PNPLA7: variants seen among roughly 807,000 people sequenced by gnomAD.
PNPLA7 encodes the protein patatin-like phospholipase domain-containing protein 7.
In PNPLA7, 153 loss-of-function variants were observed where a neutral mutation model predicts 161.7. The ratio of observed to expected loss-of-function variants is 0.95; its 90% confidence interval spans 0.83 to 1.08. The LOEUF is 1.08. Ranked by LOEUF, PNPLA7 falls within the 50% of genes least tolerant of loss-of-function variation. The pLI, the probability that PNPLA7 is intolerant of heterozygous loss-of-function variation, is 0.00. For synonymous variants in PNPLA7, 809 were observed against 782.1 expected (o/e 1.03, Z -0.57); for missense variants, 1,739 against 1,856.6 (o/e 0.94, Z 1.16).
rs568738909 is a variant in PNPLA7 at position 137,496,656 on chromosome 9, A to G, written c.2013+531T>C. Among the ~76,000 whole-genome samples, 29 of 152,280 alleles carry G rather than the reference A, an allele frequency of 1.9e-4. No individual in the cohort carries two copies. In the East Asian group the frequency reaches 5.6e-3, roughly 30 times the overall value. On this transcript the variant is annotated intron_variant, in intron 18 of 34. Transcript: ENST00000406427. ...AACTCAGGAGGCGGAGGTTGCAGTG[A>G]GTTGAGATCGCGCCACTGCACTCCA... is the stretch of plus-strand genomic sequence containing the variant.
At chr9:137,534,392 C>T (rs951825043) in intron 8 of PNPLA7, among the ~76,000 whole-genome samples, 2 of 151,466 alleles carry the variant, frequency 1.3e-5, no homozygotes, top group African/African-American at 4.9e-5. Flanking sequence ...CTTCCAGGCT[C>T]CTCCCCAACA....
intron 14 of PNPLA7, among the ~76,000 whole-genome samples, chr9:137,503,518 A>G (rs1400392944): frequency 0.013 from 851 of 66,334 alleles, 2 homozygotes; most frequent in African/African-American, 0.019. Flanking sequence ...AAGGAGGAGG[A>G]GGAAGGAGAA....
chr9:137,504,708 G>C (rs1833818170), intron 14 of PNPLA7, among the ~76,000 whole-genome samples: 1 of 151,390 alleles, frequency 6.6e-6, no homozygotes, highest in South Asian at 2.1e-4. Context: ...CTCAGAAGGA[G>C]TCCTTAACCG....
Position 137,500,785 on chromosome 9 carries a change from G to C in PNPLA7, c.1663C>G (p.Gln555Glu). 1.2e-6 allele frequency: 2 copies of C among 1,611,842 alleles called. No individual in the cohort carries two copies. The highest frequency in any genetic ancestry group is 1.7e-6 in the Non-Finnish European group (2 of 1,179,674). ...GGCTCCCCGGTGAGCACGGCCAGCT[G>C]GCCCACCATCTCCCCGGGGCGCGTG... ...FLTRPGEMVGQLAVLTGEPLI... is the reference protein window; with the variant it reads ...FLTRPGEMVGELAVLTGEPLI... Residue 555 changes from glutamine (Q) to glutamate (E), a missense_variant, in exon 16 of 35, where the codon CAG (glutamine) becomes GAG (glutamate). By Grantham distance (29) the Gln-to-Glu change is conservative. Coordinates refer to ENST00000406427, the MANE Select transcript of PNPLA7 (RefSeq NM_001098537.3). This position sits in a 1 kb window ranked among gnomAD's most constrained non-coding sequence, Gnocchi z 5.5.
At chr9:137,511,076 C>G (rs1297184491) in intron 12 of PNPLA7, among the ~76,000 whole-genome samples, 2 of 152,268 alleles carry the variant, frequency 1.3e-5, no homozygotes, top group African/African-American at 4.8e-5. Context: ...CTCTCTGTCA[C>G]GCCCAGATAA....
chr9:137,505,902 C>A, intron 13 of PNPLA7, 81 bp downstream of exon 13: 1 of 1,529,980 alleles, frequency 6.5e-7, no homozygotes, highest in Non-Finnish European at 8.9e-7. Flanking sequence ...ACACCAAAGC[C>A]GGCGGCGCCC....
At chr9:137,487,827 G>C (rs1232201265) in intron 20 of PNPLA7, among the ~76,000 whole-genome samples, 1 of 152,068 alleles carries the variant, frequency 6.6e-6, no homozygotes. Flanking sequence ...CCTGTCAGGG[G>C]CATCTCAGGA....
At chr9:137,498,733 C>T (rs1232621818) in intron 16 of PNPLA7, among the ~76,000 whole-genome samples, 1 of 152,034 alleles carries the variant, frequency 6.6e-6, no homozygotes, top group African/African-American at 2.4e-5. Flanking sequence ...ACTGTTCTCT[C>T]CCCGGTGGTC....
chr9:137,518,241 G>A (rs1466525508), intron 11 of PNPLA7, among the ~76,000 whole-genome samples: 2 of 125,654 alleles, frequency 1.6e-5, no homozygotes, highest in Non-Finnish European at 3.2e-5. Flanking sequence ...ACTCCACTCT[G>A]TCCACTCCAT....
Position 137,500,454 on chromosome 9 carries a change from G to T in PNPLA7, c.1757+237C>A, listed in dbSNP as rs987227117. ...ACCAGTGATAAATGGACACAGCTGGGACCAGACCACAGAGACGGCCGTGCG... is the reference window on the plus strand; with the variant it reads ...ACCAGTGATAAATGGACACAGCTGGTACCAGACCACAGAGACGGCCGTGCG... On this transcript the variant is annotated intron_variant, in intron 16 of 34. Transcript: ENST00000406427. The surrounding 1 kb of genome is among the most constrained non-coding windows in gnomAD (Gnocchi z 5.5). Among the ~76,000 whole-genome samples the T allele has an allele frequency of 6.6e-6, 1 of 152,228 alleles. No individual in the cohort carries two copies. Among genetic ancestry groups the T allele is most frequent in the Non-Finnish European group, 1.5e-5 (1 of 68,044 alleles).
At chr9:137,530,637 A>C (rs1835539187) in intron 8 of PNPLA7, among the ~76,000 whole-genome samples, 1 of 152,228 alleles carries the variant, frequency 6.6e-6, no homozygotes, top group African/African-American at 2.4e-5. Flanking sequence ...TTTCACTGTA[A>C]TCAGCAGGAC....
intron 4 of PNPLA7, among the ~76,000 whole-genome samples, chr9:137,544,071 G>A (rs1317030086): frequency 1.3e-5 from 2 of 152,084 alleles, no homozygotes; most frequent in African/African-American, 2.4e-5. Flanking sequence ...CAGGCTTCAT[G>A]CCTGCTGGCC....
In PNPLA7 at chr9:137,464,297, C is replaced by T. The variant is rs776819360; in HGVS notation, c.3156+43G>A. 20 of 1,605,686 alleles carry T rather than the reference C, an allele frequency of 1.2e-5. No individual in the cohort carries two copies. The South Asian group carries it at 1.9e-4, about 15-fold the overall frequency. On this transcript the variant is annotated intron_variant, in intron 27 of 34. Transcript: ENST00000406427. ...CAAGAGGTGGGGGGCCAGGAGGGGA[C>T]AGGCACTGGGGGCTGCATGGGCTCC... is the stretch of plus-strand genomic sequence containing the variant.
At chr9:137,474,342 G>A (rs903681007) in intron 25 of PNPLA7, among the ~76,000 whole-genome samples, 6 of 152,314 alleles carry the variant, frequency 3.9e-5, no homozygotes, top group African/African-American at 9.6e-5. Context: ...TAAGCAAAGC[G>A]TGGGGAGGGC....
intron 19 of PNPLA7, among the ~76,000 whole-genome samples, chr9:137,493,809 G>A (rs1832897302): frequency 6.6e-6 from 1 of 152,258 alleles, no homozygotes; most frequent in Non-Finnish European, 1.5e-5. Context: ...CCCAGCAACT[G>A]TGGCTGCCAC....
At chr9:137,510,757 G>A (rs1834180436) in intron 12 of PNPLA7, among the ~76,000 whole-genome samples, 1 of 152,148 alleles carries the variant, frequency 6.6e-6, no homozygotes, top group African/African-American at 2.4e-5. Context: ...GACCCTGTGG[G>A]GCTGGTCCCT....
At chr9:137,460,781 G>A (rs769888917) in intron 33 of PNPLA7, 44 bp from the exon 34 acceptor site, 20 of 1,556,302 alleles carry the variant, frequency 1.3e-5, no homozygotes, top group Non-Finnish European at 1.2e-5. Context: ...CCCAAGGAAG[G>A]GACCGTACCC....
intron 8 of PNPLA7, among the ~76,000 whole-genome samples, chr9:137,531,444 G>A (rs1225551326): frequency 1.3e-5 from 2 of 152,224 alleles, no homozygotes; most frequent in East Asian, 3.8e-4. Flanking sequence ...AAAACCACAG[G>A]GAGAGGCTGG....
intron 11 of PNPLA7, among the ~76,000 whole-genome samples, chr9:137,518,486 A>C (rs1028091843): frequency 4.7e-5 from 1 of 21,402 alleles, no homozygotes; most frequent in African/African-American, 1.9e-4. Flanking sequence ...TCCATCCCCC[A>C]CTCACTCCAC....
Sources: allele counts gnomAD v4.1 joint callset (sites outside exome capture counted in the v4.1 genomes callset), GRCh38; gene constraint gnomAD v4.1.1; non-coding constraint Gnocchi (gnomAD v3.1); transcripts MANE v1.5; gene names NCBI Gene and HGNC (gene_info 2026-07-23, HGNC 2026-07-21).